The following ADGRL1 variants were observed in gnomAD, a reference collection of about 807,000 sequenced individuals.
ADGRL1 encodes CIRL-1.
ADGRL1 carries 31 observed loss-of-function variants against 148.9 expected under a neutral mutation model. The observed-to-expected ratio is 0.21, with a 90% CI of 0.16 to 0.28. ADGRL1 has a LOEUF of 0.28. Ranked by LOEUF, ADGRL1 falls within the 10% of genes least tolerant of loss-of-function variation. The pLI is 1.00. For missense variants in ADGRL1, 1,521 were observed against 2,058.8 expected (o/e 0.74, Z 5.05); for synonymous variants, 937 against 900.3 (o/e 1.04, Z -0.73).
chr19:14,177,630 T>C lies in ADGRL1; in HGVS notation c.185A>G (p.Asn62Ser). The change falls in exon 3 of 23, where the codon AAC (asparagine) becomes AGC (serine). Residue 62 changes from asparagine to serine, a missense_variant. Asn to Ser is a conservative substitution (Grantham distance 46). Around this residue, in one of 8 missense-constraint regions of ADGRL1, gnomAD observed 334 missense variants for 512.5 expected, o/e 0.65. Coordinates refer to ENST00000361434, the MANE Select transcript of ADGRL1 (RefSeq NM_014921.5). Reference protein sequence around the residue: ...GSDVIMVENANYGRTDDKICD... With the variant: ...GSDVIMVENASYGRTDDKICD... ...AATCTTGTCGTCCGTGCGCCCGTAG[T>C]TGGCATTCTCCACCATGATGACGTC... 1 of 1,614,258 alleles carries C rather than the reference T, an allele frequency of 6.2e-7. No homozygotes were observed.
rs758468613 is a variant in ADGRL1 at position 14,156,080 on chromosome 19, G to A, written c.3125+30C>T. 5.1e-6 allele frequency: 8 copies of A among 1,569,226 alleles called. No homozygotes were observed. The East Asian group carries it at 1.6e-4, about 31-fold the overall frequency. Reference sequence around the variant, plus strand: ...CAGCGTGGGGCGGGGGTGGGTGATGGGGCAGGGGGCAGGCAGGGGCGAGGC... The same window carrying A: ...CAGCGTGGGGCGGGGGTGGGTGATGAGGCAGGGGGCAGGCAGGGGCGAGGC... On this transcript the variant is annotated intron_variant, in intron 17 of 22. Transcript: ENST00000361434.
At position 14,152,349 on chromosome 19, in the gene ADGRL1, C is replaced by T. The variant is rs1430213249; in HGVS notation, c.3609G>A (p.Val1203=). Residue 1203 remains valine (V), a synonymous_variant, in exon 21 of 23, where the codon GTG becomes GTA. Transcript: ENST00000361434. The surrounding 1 kb of genome is among the most constrained non-coding windows in gnomAD (Gnocchi z 6.1). ...SPYNTLIAES[V]GFNPSSPPVF... is the part of the protein sequence containing the mutation. The stretch of plus-strand genomic sequence containing the variant: ...CAGGGGGCGAGGAGGGATTGAAGCC[C>T]ACTGACTCGGCGATGAGGGTGTTGT... 1 of 1,599,242 alleles carries T rather than the reference C, an allele frequency of 6.3e-7. No homozygotes were observed. The highest frequency in any genetic ancestry group is 8.5e-7 in the Non-Finnish European group (1 of 1,170,864).
chr19:14,187,366 A>G (rs1971637789), intron 1 of ADGRL1, among the ~76,000 whole-genome samples: 1 of 152,114 alleles, frequency 6.6e-6, no homozygotes. Flanking sequence ...AAATCGGCAC[A>G]GGCCCTCAAT....
In ADGRL1 at chr19:14,177,700, G is replaced by T; in HGVS notation, c.115C>A (p.Leu39Met). The change falls in exon 3 of 23, where the codon CTG becomes ATG. Residue 39 changes from leucine (L) to methionine (M), a missense_variant. This residue lies in a region of ADGRL1 where 334 missense variants were observed against 512.5 expected (regional missense o/e 0.65). Coordinates refer to ENST00000361434, the MANE Select transcript of ADGRL1 (RefSeq NM_014921.5). ...TCGATGGGGTAGCCTTCACACGCCA[G>T]CTCCCGGCGCATCAGCCCGAACGGG... ...GLPFGLMRRE[L>M]ACEGYPIELR... 6.2e-7 allele frequency: 1 copy of T among 1,613,904 alleles called. No homozygotes were observed.
chr19:14,183,612 CG>C lies in ADGRL1; in HGVS notation c.-11del. 6.4e-7 allele frequency: 1 copy of C among 1,566,820 alleles called. No homozygotes were observed. On this transcript the variant is annotated 5_prime_UTR_variant, in exon 2 of 23. Transcript: ENST00000361434. ...CGGCTAGGCGGGCCATGGTGGCAGCCGGGTGCGTGTCCGGAGCTCTCAGTGG... is the reference window on the plus strand; with the variant it reads ...CGGCTAGGCGGGCCATGGTGGCAGCCGGTGCGTGTCCGGAGCTCTCAGTGG...
chr19:14,188,648 G>C (rs1971737074), intron 1 of ADGRL1, among the ~76,000 whole-genome samples: 1 of 152,148 alleles, frequency 6.6e-6, no homozygotes, highest in African/African-American at 2.4e-5. Context: ...GAACACCCCA[G>C]TGTTGGTCCA....
Position 14,151,248 on chromosome 19 carries a change from C to G in ADGRL1, c.4035G>C (p.Gln1345His), listed in dbSNP as rs768356594. 41 of 1,611,998 alleles carry G rather than the reference C, an allele frequency of 2.5e-5. No homozygotes were observed. Among genetic ancestry groups the G allele is most frequent in the Non-Finnish European group, 3.4e-5 (40 of 1,179,754 alleles). Residue 1345 changes from glutamine to histidine, a missense_variant, in exon 23 of 23, where the codon CAG (glutamine) becomes CAC (histidine). Around this residue, in one of 8 missense-constraint regions of ADGRL1, gnomAD observed 390 missense variants for 375.0 expected, o/e 1.04. Coordinates refer to ENST00000361434, the MANE Select transcript of ADGRL1 (RefSeq NM_014921.5). The part of the protein sequence containing the change: ...LEEPLLLPRA[Q>H]SVLYQSDLDE... ...CCAGATCGCTCTGGTACAGCACCGA[C>G]TGGGCCCGGGGCAGCAGCAGAGGCT... is the stretch of plus-strand genomic sequence containing the variant.
rs570988329 is a variant in ADGRL1, at chr19:14,182,057, G to A, written c.70+1476C>T. Among the ~76,000 whole-genome samples, 12 of 152,234 alleles carry A rather than the reference G, an allele frequency of 7.9e-5. 1 individual carries two copies. The South Asian group carries it at 2.5e-3, about 32-fold the overall frequency. On this transcript the variant is annotated intron_variant, in intron 2 of 22. Coordinates refer to ENST00000361434, the MANE Select transcript of ADGRL1 (RefSeq NM_014921.5). ...ACTAGAATGTAGGAGCCAGACAGAT[G>A]GCTGGGGTTGGAATTCCAGCCCGGC...
chr19:14,191,409 C>T (rs568372879), intron 1 of ADGRL1: 1 of 456,592 alleles, frequency 2.2e-6, no homozygotes. Flanking sequence ...AGGACAAATT[C>T]ACACACGAGA....
chr19:14,183,223 G>GAGAGAGAGAGAGAGAGAGAGAGAGAC (rs1568616276), intron 2 of ADGRL1, among the ~76,000 whole-genome samples: 5 of 152,014 alleles, frequency 3.3e-5, no homozygotes, highest in African/African-American at 1.2e-4. Context: ...GAGAGCGAGA[G>GAGAGAGAGAGAGAGAGAGAGAGAGAC]AGAGACAGAG....
intron 1 of ADGRL1, chr19:14,191,343 G>C (rs1256374319): frequency 2.2e-6 from 1 of 456,656 alleles, no homozygotes; most frequent in Admixed American, 2.3e-5. Context: ...GTGACCTCTT[G>C]TGTCTCTGTT....
Position 14,160,540 on chromosome 19 carries a change from T to G in ADGRL1, c.1614+53A>C. The G allele has an allele frequency of 7.4e-7, 1 of 1,351,682 alleles. No homozygotes were observed. The highest frequency in any genetic ancestry group is 1.0e-6 in the Non-Finnish European group (1 of 983,772). The allele number at this position is 1,351,682 out of a possible 1,614,324, so 83.7% of individuals were successfully genotyped here. On this transcript the variant is annotated intron_variant, in intron 7 of 22. Transcript: ENST00000361434. The surrounding 1 kb of genome is among the most constrained non-coding windows in gnomAD (Gnocchi z 5.9). ...CTGCTCCACGACCCCCGCTGGGCCC[T>G]GGGCCCTGGGCCCGAGCACATGTGC...
chr19:14,183,218 C>CGAGAGAGAGAGA (rs1262220395), intron 2 of ADGRL1, among the ~76,000 whole-genome samples: 9 of 124,984 alleles, frequency 7.2e-5, no homozygotes, highest in Admixed American at 4.8e-4. Flanking sequence ...AGAGAGAGAG[C>CGAGAGAGAGAGA]GAGAGAGAGA....
At chr19:14,194,271 A>G (rs991604738) in intron 1 of ADGRL1, among the ~76,000 whole-genome samples, 3 of 152,180 alleles carry the variant, frequency 2.0e-5, no homozygotes, top group African/African-American at 4.8e-5. Context: ...CGTCTGTGGT[A>G]ATTTGTTGTG....
rs1309043039 is a variant in ADGRL1 at position 14,152,208 on chromosome 19, G to C, written c.3650-58C>G. 6.2e-7 allele frequency: 1 copy of C among 1,614,098 alleles called. No individual in the cohort carries two copies. Among genetic ancestry groups the C allele is most frequent in the Non-Finnish European group, 8.5e-7 (1 of 1,180,008 alleles). On this transcript the variant is annotated intron_variant, in intron 21 of 22. Coordinates refer to ENST00000361434, the MANE Select transcript of ADGRL1 (RefSeq NM_014921.5). The surrounding 1 kb of genome is among the most constrained non-coding windows in gnomAD (Gnocchi z 6.1). ...AGGCAAGGATGAGCTCGAAATGCAA[G>C]TCCAGGCTCCAGTTCTGGGGCACAG...
intron 2 of ADGRL1, among the ~76,000 whole-genome samples, chr19:14,181,766 C>T (rs1305587165): frequency 2.0e-5 from 3 of 152,130 alleles, no homozygotes; most frequent in African/African-American, 4.8e-5. Context: ...GTTCTTCTTT[C>T]CCCAAGCCTC....
intron 1 of ADGRL1, among the ~76,000 whole-genome samples, chr19:14,196,353 G>A (rs563371128): frequency 2.0e-5 from 3 of 152,312 alleles, no homozygotes; most frequent in South Asian, 2.1e-4. Flanking sequence ...ATGTGGCGGC[G>A]CACACCTGTA....
rs1349745752 is a variant in ADGRL1 at position 14,151,631 on chromosome 19, G to C, written c.3668-16C>G. The C allele has an allele frequency of 2.4e-5, 38 of 1,572,980 alleles. No homozygotes were observed. Among genetic ancestry groups the C allele is most frequent in the Admixed American group, 3.7e-5 (2 of 54,728 alleles). ...AAGGGGTGCTCTGCAGGGCAGAAAG[G>C]GGCTGGTCAGGTTGAAGAGGGGCCC... On this transcript the variant is annotated splice_polypyrimidine_tract_variant and intron_variant, in intron 22 of 22. Transcript: ENST00000361434.
At chr19:14,189,599 C>T (rs760355978) in intron 1 of ADGRL1, among the ~76,000 whole-genome samples, 3 of 152,148 alleles carry the variant, frequency 2.0e-5, no homozygotes, top group Admixed American at 6.5e-5. Flanking sequence ...AGCCTGGATC[C>T]GAGCTTCATT....
Sources: allele counts gnomAD v4.1 joint callset (sites outside exome capture counted in the v4.1 genomes callset), GRCh38; gene constraint gnomAD v4.1.1; regional missense constraint gnomAD v4.1.1; non-coding constraint Gnocchi (gnomAD v3.1); transcripts MANE v1.5; gene names NCBI Gene and HGNC (gene_info 2026-07-23, HGNC 2026-07-21).